The following CCDC51 variants were observed in gnomAD, a reference collection of about 807,000 sequenced individuals.
CCDC51 encodes the protein mitochondrial potassium channel.
A neutral mutation model predicts 24.8 loss-of-function variants in CCDC51; 25 were observed. That is an observed-to-expected ratio of 1.01 (90% CI 0.73 to 1.41). The LOEUF (loss-of-function observed/expected upper bound fraction) is 1.41. CCDC51 is among the 40% of genes most tolerant of loss of function. The pLI is 0.00. For synonymous variants in CCDC51, 190 were observed against 204.3 expected, an observed-to-expected ratio of 0.93 and a Z score of 0.60; for missense variants, 466 against 519.1, an observed-to-expected ratio of 0.90 and a Z score of 0.99.
At chr3:48,440,547 A>G, upstream of CCDC51, 2 of 1,611,566 alleles carry the variant, frequency 1.2e-6, no homozygotes, top group African/African-American at 1.3e-5. Context: ...CCAGGAAGAT[A>G]AGGCTTTCAA....
At position 48,434,882 on chromosome 3, in the gene CCDC51, A is replaced by C; in HGVS notation, c.247T>G (p.Trp83Gly). The part of the protein sequence containing the change: ...QRATSTAKTW[W>G]DRYEEFVGLN... ...CCAACAAACTCTTCATATCTGTCCC[A>C]CCAAGTCTTGGCTGTGGAGGTCGCT... Residue 83 changes from tryptophan to glycine, a missense_variant, in exon 2 of 4, where the codon TGG becomes GGG. By Grantham distance (184) the Trp-to-Gly change is radical. Coordinates refer to ENST00000395694, the MANE Select transcript of CCDC51 (RefSeq NM_001256964.2). The C allele has an allele frequency of 6.2e-7, 1 of 1,614,154 alleles. No individual in the cohort carries two copies. Among genetic ancestry groups the C allele is most frequent in the Non-Finnish European group, 8.5e-7 (1 of 1,180,024 alleles).
chr3:48,433,291 T>A lies in CCDC51; in HGVS notation c.478-125A>T. 1.1e-6 allele frequency: 1 copy of A among 934,656 alleles called. No individual in the cohort carries two copies. 57.9% of individuals were successfully genotyped at this position (934,656 alleles called of 1,614,324 possible). On this transcript the variant is annotated intron_variant, in intron 3 of 3. Transcript: ENST00000395694. This position sits in a 1 kb window ranked among gnomAD's most constrained non-coding sequence, Gnocchi z 4.4. ...ACATGTTCCATAGACCCATGCTGAA[T>A]GAATGAAGGTAGCACCAACCTGGCT...
upstream of CCDC51, chr3:48,440,155 C>T (rs2039518589): frequency 3.6e-6 from 5 of 1,394,194 alleles, no homozygotes; most frequent in Non-Finnish European, 3.8e-6. Context: ...TAGTACCCGC[C>T]CCTGGAGCGC....
At chr3:48,446,507 A>C in the CCDC51 span, 3 of 204,730 alleles carry the variant, frequency 1.5e-5, no homozygotes, top group South Asian at 1.8e-4. Flanking sequence ...CCTCCACGGA[A>C]TGCCAGGGAG....
At position 48,437,840 on chromosome 3, in the gene CCDC51, T is replaced by TA. The variant is rs1009276260; in HGVS notation, c.-9+2147dup. The TA allele has an allele frequency of 1.3e-5, 2 of 151,922 alleles. No homozygotes were observed. Among genetic ancestry groups the TA allele is most frequent in the Admixed American group, 1.3e-4 (2 of 15,252 alleles). The allele number at this position is 151,922 out of a possible 1,614,324, so 9.4% of individuals were successfully genotyped here. On this transcript the variant is annotated intron_variant, in intron 1 of 3. Coordinates refer to ENST00000395694, the MANE Select transcript of CCDC51 (RefSeq NM_001256964.2). This position sits in a 1 kb window ranked among gnomAD's most constrained non-coding sequence, Gnocchi z 4.2. ...CCACCTCCTCTCTTGATCCTCAGGA[T>TA]AAAAAACCCATGCTTCTAGGGAAAA...
Position 48,433,275 on chromosome 3 carries a change from A to G in CCDC51, c.478-109T>C. ...TTGTGCCTGGCAGAGTACATGTTCC[A>G]TAGACCCATGCTGAATGAATGAAGG... is the stretch of plus-strand genomic sequence containing the variant. On this transcript the variant is annotated intron_variant, in intron 3 of 3. Coordinates refer to ENST00000395694, the MANE Select transcript of CCDC51 (RefSeq NM_001256964.2). This position sits in a 1 kb window ranked among gnomAD's most constrained non-coding sequence, Gnocchi z 4.4. The G allele has an allele frequency of 1.9e-6, 2 of 1,065,878 alleles. No homozygotes were observed. Among genetic ancestry groups the G allele is most frequent in the Non-Finnish European group, 1.4e-6 (1 of 738,210 alleles). 66.0% of individuals were successfully genotyped at this position (1,065,878 alleles called of 1,614,324 possible).
chr3:48,440,290 A>G (rs767698039), upstream of CCDC51: 13 of 1,603,512 alleles, frequency 8.1e-6, no homozygotes, highest in Admixed American at 5.0e-5. Context: ...AAGCGGCGGC[A>G]GGCGCCATGT....
chr3:48,442,649 A>G (rs984844801), upstream of CCDC51, among the ~76,000 whole-genome samples: 38 of 151,586 alleles, frequency 2.5e-4, no homozygotes, highest in Middle Eastern at 3.4e-3. Context: ...ACGGGGTTTC[A>G]CCATGTTGGC....
At position 48,432,919 on chromosome 3, in the gene CCDC51, A is replaced by C. The variant is rs752110749; in HGVS notation, c.725T>G (p.Val242Gly). ...ALLLEAQKGPVSLQEAIREQA... is the reference protein window; with the variant it reads ...ALLLEAQKGPGSLQEAIREQA... ...TTCTCGAATGGCCTCTTGGAGACTC[A>C]CAGGCCCCTTCTGCGCCTCCAGGAG... Residue 242 changes from valine (V) to glycine (G), a missense_variant, in exon 4 of 4, where the codon GTG becomes GGG. Val to Gly is a moderately radical substitution (Grantham distance 109). Transcript: ENST00000395694. 1 of 1,614,026 alleles carries C rather than the reference A, an allele frequency of 6.2e-7. No individual in the cohort carries two copies. The highest frequency in any genetic ancestry group is 1.1e-5 in the South Asian group (1 of 91,072).
Position 48,434,827 on chromosome 3 carries a change from T to G in CCDC51, c.302A>C (p.Lys101Thr). 1 of 1,598,050 alleles carries G rather than the reference T, an allele frequency of 6.3e-7. No individual in the cohort carries two copies. The change falls in exon 2 of 4, where the codon AAG becomes ACG. Residue 101 changes from lysine (K) to threonine (T), a missense_variant. By Grantham distance (78) the Lys-to-Thr change is moderately conservative. Coordinates refer to ENST00000395694, the MANE Select transcript of CCDC51 (RefSeq NM_001256964.2). The stretch of plus-strand genomic sequence containing the variant: ...AGCTCCCCTCCTCACCTCTGTCACC[T>G]TTCCCTGGGCCTCTCGAACCTCGTT... ...GLNEVREAQG[K>T]VTEAEKVFMV...
upstream of CCDC51, chr3:48,440,328 C>T (rs756998948): frequency 1.9e-6 from 3 of 1,611,678 alleles, no homozygotes; most frequent in Admixed American, 1.7e-5. Context: ...TGTTCCGGAA[C>T]CGTGAGGACT....
In CCDC51 at chr3:48,432,305, G is replaced by A. The variant is rs1051987846; in HGVS notation, c.*103C>T. Reference sequence around the variant, plus strand: ...CACACAGATACTGCTCCTTCAGATTGAGGTTGTACATGCCCCCAAAGGCTC... The same window carrying A: ...CACACAGATACTGCTCCTTCAGATTAAGGTTGTACATGCCCCCAAAGGCTC... On this transcript the variant is annotated 3_prime_UTR_variant, in exon 4 of 4. Transcript: ENST00000395694. 1 of 1,357,210 alleles carries A rather than the reference G, an allele frequency of 7.4e-7. No homozygotes were observed. The highest frequency in any genetic ancestry group is 1.0e-6 in the Non-Finnish European group (1 of 981,338). The allele number at this position is 1,357,210 out of a possible 1,614,324, so 84.1% of individuals were successfully genotyped here.
At chr3:48,436,513 C>A (rs2039360382) in intron 1 of CCDC51, among the ~76,000 whole-genome samples, 1 of 152,232 alleles carries the variant, frequency 6.6e-6, no homozygotes, top group Non-Finnish European at 1.5e-5. Flanking sequence ...AACCCCTGGG[C>A]CCCCTTCATA....
intron 1 of CCDC51, chr3:48,438,161 C>T (rs2039414645): frequency 6.6e-6 from 1 of 152,146 alleles, no homozygotes; most frequent in African/African-American, 2.4e-5. Flanking sequence ...CACTCAGACT[C>T]CTCTCTTATC....
In CCDC51 at chr3:48,432,455, A is replaced by G; in HGVS notation, c.1189T>C (p.Phe397Leu). 6.2e-7 allele frequency: 1 copy of G among 1,614,252 alleles called. No individual in the cohort carries two copies. Among genetic ancestry groups the G allele is most frequent in the Non-Finnish European group, 8.5e-7 (1 of 1,180,032 alleles). ...IYSTLVTCVT[F>L]VATLPVLYML... The stretch of plus-strand genomic sequence containing the variant: ...TAGAGCACAGGCAGTGTGGCCACAA[A>G]TGTCACACAGGTGACCAGGGTGCTA... Residue 397 changes from phenylalanine (F) to leucine (L), a missense_variant, in exon 4 of 4, where the codon TTT (phenylalanine) becomes CTT (leucine). Phe to Leu is a conservative substitution (Grantham distance 22, BLOSUM62 0). Transcript: ENST00000395694.
intron 1 of CCDC51, among the ~76,000 whole-genome samples, chr3:48,439,027 C>T (rs2039461941): frequency 6.6e-6 from 1 of 152,182 alleles, no homozygotes; most frequent in Non-Finnish European, 1.5e-5. Context: ...CTGTGCTGCT[C>T]GCTCCCTCAC....
rs1304514669 is a variant in CCDC51 at position 48,437,191 on chromosome 3, C to T, written c.-8-2055G>A. On this transcript the variant is annotated intron_variant, in intron 1 of 3. Transcript: ENST00000395694. This position sits in a 1 kb window ranked among gnomAD's most constrained non-coding sequence, Gnocchi z 4.2. ...TCCTTGACCACTCCCTCCCCAGCTA[C>T]CTTCTCTGCTTTATTTTTCTCCTGA... Among the ~76,000 whole-genome samples the T allele has an allele frequency of 1.3e-5, 2 of 152,200 alleles. No homozygotes were observed. The highest frequency in any genetic ancestry group is 4.8e-5 in the African/African-American group (2 of 41,446).
At chr3:48,441,200 G>T (rs1317549270), upstream of CCDC51, among the ~76,000 whole-genome samples, 1 of 151,474 alleles carries the variant, frequency 6.6e-6, no homozygotes, top group Admixed American at 6.6e-5. Context: ...TTTTTGAGAC[G>T]GAGTGCGGCT....
At position 48,435,476 on chromosome 3, in the gene CCDC51, T is replaced by C. The variant is rs1187068567; in HGVS notation, c.-8-340A>G. 1.3e-5 allele frequency among the ~76,000 whole-genome samples: 2 copies of C among 152,188 alleles called. No individual in the cohort carries two copies. The highest frequency in any genetic ancestry group is 3.9e-4 in the East Asian group (2 of 5,192). On this transcript the variant is annotated intron_variant, in intron 1 of 3. Transcript: ENST00000395694. The surrounding 1 kb of genome is among the most constrained non-coding windows in gnomAD (Gnocchi z 4.2). The stretch of plus-strand genomic sequence containing the variant: ...GCTGTGACTTGAATGAGAATCCTGG[T>C]GCCCAGGTTTCTGATGTCAAAGACA...
Sources: allele counts gnomAD v4.1 joint callset (sites outside exome capture counted in the v4.1 genomes callset), GRCh38; gene constraint gnomAD v4.1.1; non-coding constraint Gnocchi (gnomAD v3.1); transcripts MANE v1.5; gene names NCBI Gene and HGNC (gene_info 2026-07-23, HGNC 2026-07-21).